XIRP2: variants seen among roughly 807,000 people sequenced by gnomAD.
XIRP2 encodes the protein xin actin binding repeat containing 2.
XIRP2 carries 236 observed loss-of-function variants against 277.0 expected under a neutral mutation model. The ratio of observed to expected loss-of-function variants is 0.85; its 90% CI spans 0.77 to 0.95. XIRP2 has a LOEUF of 0.95. XIRP2 is among the 40% of genes least tolerant of loss of function. The probability of loss-of-function intolerance (pLI) is 0.00; values close to 1 mark genes in which losing one functional copy is unlikely to be tolerated. For synonymous variants in XIRP2, 1,490 were observed against 1,416.5 expected (o/e 1.05, Z -1.17); for missense variants, 4,640 against 4,157.5 (o/e 1.12, Z -3.19).
chr2:166,940,691 T>C (rs1685681344), intron 2 of XIRP2, among the ~76,000 whole-genome samples: 1 of 152,218 alleles, frequency 6.6e-6, no homozygotes, highest in Non-Finnish European at 1.5e-5. Context: ...GCAGGTCTGT[T>C]GGAGTTTGCT....
At chr2:167,029,691 G>T (rs184533741) in intron 2 of XIRP2, among the ~76,000 whole-genome samples, 1 of 152,104 alleles carries the variant, frequency 6.6e-6, no homozygotes, top group South Asian at 2.1e-4. Context: ...TCTCTACCAG[G>T]TTTTGGTATC....
At chr2:167,143,328 G>A (rs16853031) in intron 3 of XIRP2, among the ~76,000 whole-genome samples, 3,649 of 152,170 alleles carry the variant, frequency 0.024, 59 homozygotes, top group East Asian at 0.049. Context: ...ACTTATGTCC[G>A]TGGGCCCACA....
chr2:167,181,590 CA>C (rs1693010021), intron 3 of XIRP2, among the ~76,000 whole-genome samples: 1 of 135,096 alleles, frequency 7.4e-6, no homozygotes, highest in African/African-American at 3.6e-5. Flanking sequence ...GGACCTGCAC[CA>C]TTTTTTTTAA....
chr2:166,903,415 G>A (rs1684432858), intron 1 of XIRP2, 50 bp from the exon 2 acceptor site: 1 of 1,509,274 alleles, frequency 6.6e-7, no homozygotes, highest in Non-Finnish European at 8.9e-7. Context: ...GTCTGAAAAT[G>A]ACTCAGACTC....
intron 2 of XIRP2, among the ~76,000 whole-genome samples, chr2:167,103,366 T>C (rs1293942075): frequency 6.6e-6 from 1 of 152,214 alleles, no homozygotes; most frequent in Non-Finnish European, 1.5e-5. Flanking sequence ...CTGAAGTGCA[T>C]AAAGGCCTGT....
intron 4 of XIRP2, among the ~76,000 whole-genome samples, chr2:167,212,926 C>A (rs1169786082): frequency 7.7e-6 from 1 of 130,084 alleles, no homozygotes; most frequent in Non-Finnish European, 1.6e-5. Context: ...CACACACACA[C>A]ACACACCAAA....
At chr2:167,221,939 G>C (rs921183465) in intron 5 of XIRP2, among the ~76,000 whole-genome samples, 4 of 152,110 alleles carry the variant, frequency 2.6e-5, no homozygotes, top group African/African-American at 9.7e-5. Flanking sequence ...ACTTAATAAG[G>C]TATAATAATA....
intron 1 of XIRP2, among the ~76,000 whole-genome samples, chr2:166,901,421 A>G (rs1275260135): frequency 6.6e-6 from 1 of 152,090 alleles, no homozygotes; most frequent in Non-Finnish European, 1.5e-5. Flanking sequence ...AGAAAGAAGT[A>G]TGTCTATTCC....
At chr2:166,985,127 G>A (rs950674997) in intron 2 of XIRP2, among the ~76,000 whole-genome samples, 39 of 152,142 alleles carry the variant, frequency 2.6e-4, no homozygotes, top group Non-Finnish European at 8.8e-5. Context: ...TAAAAACAGT[G>A]GTTGGGGTAA....
rs776200202 is a variant in XIRP2, at chr2:167,210,814, C to G, written c.642C>G (p.His214Gln). 3 of 1,614,024 alleles carry G rather than the reference C, an allele frequency of 1.9e-6. No homozygotes were observed. The highest frequency in any genetic ancestry group is 4.5e-5 in the East Asian group (2 of 44,880). The stretch of plus-strand genomic sequence containing the variant: ...GGGGCGAGGGTGTGTCAGACCTCCA[C>G]GAAGTGGTCTCCCTGAAGGAGCGGA... Reference protein sequence around the residue: ...AARGEGVSDLHEVVSLKERMA... With the variant: ...AARGEGVSDLQEVVSLKERMA... Residue 214 changes from histidine (H) to glutamine (Q), a missense_variant, in exon 4 of 11, where the codon CAC becomes CAG. Physicochemically the swap from His to Gln is conservative, Grantham distance 24. Coordinates refer to ENST00000409195, the MANE Select transcript of XIRP2 (RefSeq NM_152381.6).
chr2:166,936,425 C>G (rs1685503153), intron 2 of XIRP2, among the ~76,000 whole-genome samples: 2 of 152,198 alleles, frequency 1.3e-5, no homozygotes, highest in Admixed American at 1.3e-4. Flanking sequence ...AATTAGATCC[C>G]ATTTGTCAAT....
chr2:166,921,909 C>A lies in XIRP2; in HGVS notation c.408+18019C>A, dbSNP rs554517196. ...GCAGGGTGAGTGATCTTTTCAGAGG[C>A]TTGTGCCAGCTCCTCTGGCTTGCAC... On this transcript the variant is annotated intron_variant, in intron 2 of 10. Transcript: ENST00000409195. 7.2e-5 allele frequency among the ~76,000 whole-genome samples: 11 copies of A among 152,258 alleles called. No homozygotes were observed. In the South Asian group the frequency reaches 1.7e-3, roughly 23 times the overall value.
intron 2 of XIRP2, among the ~76,000 whole-genome samples, chr2:167,080,936 C>A (rs1460928068): frequency 1.3e-5 from 2 of 151,966 alleles, no homozygotes; most frequent in East Asian, 3.9e-4. Context: ...TTTGAGACAA[C>A]AATATGTAAC....
Position 167,251,757 on chromosome 2 carries a change from AC to A in XIRP2, c.10367del (p.Pro3456GlnfsTer12). 1 of 1,613,340 alleles carries A rather than the reference AC, an allele frequency of 6.2e-7. No individual in the cohort carries two copies. ...CTGGCTGTGACTTCAAGCATGCCCC[AC>A]CAACCTATGAGGATGTCATTGCTGG... ...KSGCDFKHAP[P>X]TYEDVIAGHI... On this transcript the variant is annotated frameshift_variant, in exon 9 of 11. Transcript: ENST00000409195. LOFTEE classifies it high-confidence loss of function.
intron 2 of XIRP2, among the ~76,000 whole-genome samples, chr2:167,095,024 G>T (rs1690259709): frequency 6.6e-6 from 1 of 152,060 alleles, no homozygotes; most frequent in African/African-American, 2.4e-5. Context: ...CCTAGAAGAG[G>T]TCCTTCACAT....
At chr2:167,073,339 T>C (rs970086952) in intron 2 of XIRP2, among the ~76,000 whole-genome samples, 42 of 152,144 alleles carry the variant, frequency 2.8e-4, no homozygotes, top group Admixed American at 2.5e-3. Flanking sequence ...TTCTTTGTAA[T>C]ATAAATAACA....
In XIRP2 at chr2:167,138,506, C is replaced by T. The variant is rs532152148; in HGVS notation, c.562+2444C>T. Among the ~76,000 whole-genome samples the T allele has an allele frequency of 2.6e-5, 4 of 152,282 alleles. No individual in the cohort carries two copies. In the South Asian group the frequency reaches 8.3e-4, roughly 32 times the overall value. On this transcript the variant is annotated intron_variant, in intron 3 of 10. Coordinates refer to ENST00000409195, the MANE Select transcript of XIRP2 (RefSeq NM_152381.6). The stretch of plus-strand genomic sequence containing the variant: ...TCTCACCACGTCTATTTTATTTGCT[C>T]CTTTTCCTCACTTATGTATTGGTGT...
At chr2:167,190,647 A>G (rs1042937405) in intron 3 of XIRP2, among the ~76,000 whole-genome samples, 1 of 152,220 alleles carries the variant, frequency 6.6e-6, no homozygotes, top group African/African-American at 2.4e-5. Context: ...CCATTTGTAT[A>G]ATATAATCAG....
At chr2:166,984,223 TA>T (rs1686944571) in intron 2 of XIRP2, among the ~76,000 whole-genome samples, 1 of 152,218 alleles carries the variant, frequency 6.6e-6, no homozygotes, top group Non-Finnish European at 1.5e-5. Flanking sequence ...GAAATTATTC[TA>T]CCAAGTCTTC....
Sources: allele counts gnomAD v4.1 joint callset (sites outside exome capture counted in the v4.1 genomes callset), GRCh38; gene constraint gnomAD v4.1.1; transcripts MANE v1.5; gene names NCBI Gene and HGNC (gene_info 2026-07-23, HGNC 2026-07-21).